Variants in DDAH1 observed in about 807,000 individuals in gnomAD.
The protein encoded by DDAH1 is N(G),N(G)-dimethylarginine dimethylaminohydrolase 1.
Under a neutral mutation model 28.8 loss-of-function variants are expected in DDAH1, and 19 were observed. The ratio of observed to expected loss-of-function variants is 0.66; its 90% CI spans 0.46 to 0.97. DDAH1 has a LOEUF of 0.97. Ranked by LOEUF, DDAH1 falls within the 50% of genes least tolerant of loss-of-function variation. The probability of loss-of-function intolerance (pLI) is 0.00; values close to 1 mark genes in which losing one functional copy is unlikely to be tolerated. For missense variants in DDAH1, 326 were observed against 375.9 expected, an observed-to-expected ratio of 0.87 and a Z score of 1.10; for synonymous variants, 153 against 154.4, an observed-to-expected ratio of 0.99 and a Z score of 0.07.
chr1:85,523,366 C>G (rs1657756385), intron 1 of DDAH1, among the ~76,000 whole-genome samples: 1 of 151,944 alleles, frequency 6.6e-6, no homozygotes, highest in South Asian at 2.1e-4. Context: ...CTCCCCTTCT[C>G]TACCTGGGGC....
chr1:85,482,281 T>C (rs180825644), intron 2 of DDAH1: 17 of 152,314 alleles, frequency 1.1e-4, no homozygotes, highest in African/African-American at 3.6e-4. Context: ...TACCAAGTGA[T>C]ATGTATTTTT....
chr1:85,523,270 G>T (rs1657754443), intron 1 of DDAH1, among the ~76,000 whole-genome samples: 1 of 152,164 alleles, frequency 6.6e-6, no homozygotes, highest in African/African-American at 2.4e-5. Flanking sequence ...ATGCAGCAGA[G>T]CAGATATTTA....
intron 4 of DDAH1, among the ~76,000 whole-genome samples, chr1:85,343,573 T>A (rs929396948): frequency 1.3e-4 from 20 of 152,242 alleles, no homozygotes; most frequent in African/African-American, 4.8e-4. Flanking sequence ...ATTGTCAGTA[T>A]GCCTTTCATA....
intron 5 of DDAH1, among the ~76,000 whole-genome samples, chr1:85,323,246 A>T (rs965407948): frequency 6.6e-6 from 1 of 152,230 alleles, no homozygotes; most frequent in Admixed American, 6.5e-5. Flanking sequence ...AAGACAAAAA[A>T]AAAAGATCAA....
intron 1 of DDAH1, among the ~76,000 whole-genome samples, chr1:85,371,643 A>G (rs903277680): frequency 6.6e-6 from 1 of 152,200 alleles, no homozygotes; most frequent in African/African-American, 2.4e-5. Context: ...ATATAGCAAG[A>G]ACAACTTTCA....
chr1:85,466,513 T>G (rs1164732804), upstream of DDAH1, among the ~76,000 whole-genome samples: 1 of 152,224 alleles, frequency 6.6e-6, no homozygotes, highest in African/African-American at 2.4e-5. Context: ...CCTCCCAAAG[T>G]GCTGGGATTA....
At chr1:85,427,448 T>C (rs1269388850) in intron 1 of DDAH1, among the ~76,000 whole-genome samples, 1 of 152,164 alleles carries the variant, frequency 6.6e-6, no homozygotes, top group Non-Finnish European at 1.5e-5. Flanking sequence ...GGAACTTTGT[T>C]TAGGATTTTT....
chr1:85,513,593 A>G (rs1326619383), intron 1 of DDAH1, among the ~76,000 whole-genome samples: 1 of 152,226 alleles, frequency 6.6e-6, no homozygotes, highest in Non-Finnish European at 1.5e-5. Flanking sequence ...AAAGTTTGCA[A>G]TCTAGTCATC....
intron 1 of DDAH1, among the ~76,000 whole-genome samples, chr1:85,525,426 G>A (rs1296516161): frequency 1.3e-5 from 2 of 152,148 alleles, no homozygotes; most frequent in African/African-American, 4.8e-5. Context: ...AAACAGCAAA[G>A]GTTCAGTACA....
At chr1:85,525,567 TCACACA>T (rs3058870) in intron 1 of DDAH1, among the ~76,000 whole-genome samples, 1 of 148,984 alleles carries the variant, frequency 6.7e-6, no homozygotes, top group African/African-American at 2.5e-5. Context: ...AGAATGATAT[TCACACA>T]CACACACACA....
intron 1 of DDAH1, among the ~76,000 whole-genome samples, chr1:85,437,149 T>C (rs114984182): frequency 0.019 from 2,917 of 152,194 alleles, 69 homozygotes; most frequent in African/African-American, 0.056. Context: ...CCACACACAC[T>C]GGGCAACCTG....
chr1:85,382,918 GA>G (rs1360482659), intron 1 of DDAH1, among the ~76,000 whole-genome samples: 2 of 152,128 alleles, frequency 1.3e-5, no homozygotes, highest in African/African-American at 2.4e-5. Context: ...CTACTGCTCA[GA>G]AAAAAAGATT....
chr1:85,471,950 G>C (rs1373489345), intron 2 of DDAH1, among the ~76,000 whole-genome samples: 6 of 152,184 alleles, frequency 3.9e-5, no homozygotes, highest in Admixed American at 3.9e-4. Context: ...CAGAGGTGTA[G>C]GTTTGTTCTC....
chr1:85,477,361 C>T (rs1351613526), intron 2 of DDAH1, among the ~76,000 whole-genome samples: 2 of 152,148 alleles, frequency 1.3e-5, no homozygotes, highest in Non-Finnish European at 2.9e-5. Flanking sequence ...CAATAATATG[C>T]ATCCGCCCTC....
intron 2 of DDAH1, among the ~76,000 whole-genome samples, chr1:85,358,111 A>G (rs1374945090): frequency 6.6e-6 from 1 of 152,252 alleles, no homozygotes; most frequent in Non-Finnish European, 1.5e-5. Context: ...ACAATGGAAA[A>G]CGATGCAACT....
At chr1:85,571,576 A>T (rs1418691657) in intron 1 of DDAH1, among the ~76,000 whole-genome samples, 1 of 152,132 alleles carries the variant, frequency 6.6e-6, no homozygotes, top group Admixed American at 6.5e-5. Flanking sequence ...AAGTCCATAT[A>T]TTATTCCTCT....
At chr1:85,568,672 G>C (rs552829913) in intron 1 of DDAH1, among the ~76,000 whole-genome samples, 22 of 152,156 alleles carry the variant, frequency 1.4e-4, no homozygotes, top group Non-Finnish European at 2.6e-4. Flanking sequence ...TTATGAATGA[G>C]AGTTCATAAT....
intron 1 of DDAH1, among the ~76,000 whole-genome samples, chr1:85,536,229 T>A (rs1658271687): frequency 6.6e-6 from 1 of 151,122 alleles, no homozygotes; most frequent in Non-Finnish European, 1.5e-5. Context: ...AAAGTGAATC[T>A]CTGTCTCAAA....
chr1:85,536,736 T>C (rs1211972813), intron 1 of DDAH1, among the ~76,000 whole-genome samples: 1 of 152,054 alleles, frequency 6.6e-6, no homozygotes, highest in African/African-American at 2.4e-5. Context: ...ACAGTCATTA[T>C]AGGAAAACAA....
Sources: gnomAD v4.1 joint callset for allele counts (sites outside exome capture counted in the v4.1 genomes callset) on GRCh38, gnomAD v4.1.1 for gene constraint, MANE v1.5 for transcripts, NCBI Gene and HGNC (gene_info 2026-07-23, HGNC 2026-07-21) for gene names.